GAD1: variants seen among roughly 807,000 people sequenced by gnomAD.
GAD1 encodes 67 kDa glutamic acid decarboxylase.
GAD1 carries 35 observed loss-of-function variants against 75.2 expected under a neutral mutation model. That is an observed-to-expected ratio of 0.47 (90% CI 0.36 to 0.62). The LOEUF (loss-of-function observed/expected upper bound fraction) is 0.62. Among genes scored for constraint, GAD1 ranks in the 20% least tolerant of loss-of-function variants. The pLI, the probability that GAD1 is intolerant of heterozygous loss-of-function variation, is 0.00. For missense variants in GAD1, 490 were observed against 758.5 expected (o/e 0.65, Z 4.16); for synonymous variants, 257 against 271.9 (o/e 0.95, Z 0.54).
chr2:170,833,658 A>G (rs1470754930), intron 5 of GAD1, among the ~76,000 whole-genome samples: 1 of 152,192 alleles, frequency 6.6e-6, no homozygotes, highest in African/African-American at 2.4e-5. Flanking sequence ...AAAATACATG[A>G]TTTTGTCATA....
At chr2:170,820,769 C>A (rs1248199734) in intron 2 of GAD1, among the ~76,000 whole-genome samples, 1 of 152,190 alleles carries the variant, frequency 6.6e-6, no homozygotes, top group Non-Finnish European at 1.5e-5. Context: ...ACTCCAACTT[C>A]CCTGTTGATT....
chr2:170,826,073 G>A (rs1472301655), intron 3 of GAD1, among the ~76,000 whole-genome samples: 1 of 152,096 alleles, frequency 6.6e-6, no homozygotes, highest in Non-Finnish European at 1.5e-5. Flanking sequence ...GTATTTTAGA[G>A]AACAAACACC....
rs545484315 is a variant in GAD1, at chr2:170,854,652, A to C, written c.1413+630A>C. On this transcript the variant is annotated intron_variant, in intron 14 of 16. Coordinates refer to ENST00000358196, the MANE Select transcript of GAD1 (RefSeq NM_000817.3). The stretch of plus-strand genomic sequence containing the variant: ...AGTCTCCTGACCTCATGATCCGCCC[A>C]CCTCGGCCTCCCAAAGTGTTGGGAT... Among the ~76,000 whole-genome samples the C allele has an allele frequency of 3.4e-4, 52 of 152,170 alleles. No individual in the cohort carries two copies. In the South Asian group the frequency reaches 0.01, roughly 30 times the overall value.
At position 170,822,164 on chromosome 2, in the gene GAD1, C is replaced by A. The variant is rs200262752; in HGVS notation, c.145+15C>A. 6.2e-7 allele frequency: 1 copy of A among 1,610,586 alleles called. No homozygotes were observed. Among genetic ancestry groups the A allele is most frequent in the East Asian group, 2.2e-5 (1 of 44,792 alleles). On this transcript the variant is annotated intron_variant, in intron 3 of 16. Transcript: ENST00000358196. ...CAAGATCTGCGGTAAGTGACAGGAC[C>A]CACTGGGGCCCGGCTGGGTGGCGCG... is the stretch of plus-strand genomic sequence containing the variant.
chr2:170,845,481 T>C (rs1468963009), intron 7 of GAD1, 25 bp from the exon 8 acceptor site: 1 of 1,596,280 alleles, frequency 6.3e-7, no homozygotes, highest in Admixed American at 1.7e-5. Context: ...CCCCAACACC[T>C]CCCAATATGT....
upstream of GAD1, among the ~76,000 whole-genome samples, chr2:170,813,584 C>T (rs188946028): frequency 2.3e-3 from 347 of 152,320 alleles, 1 homozygote; most frequent in African/African-American, 7.2e-3. Context: ...GTCCTGTCTA[C>T]TCACCTTGAC....
chr2:170,815,861 A>C (rs1701685827), upstream of GAD1, among the ~76,000 whole-genome samples: 1 of 152,198 alleles, frequency 6.6e-6, no homozygotes, highest in African/African-American at 2.4e-5. Flanking sequence ...GCTGGCGGAG[A>C]GACCCGGGAG....
intron 12 of GAD1, among the ~76,000 whole-genome samples, chr2:170,850,658 A>G (rs1702727822): frequency 6.6e-6 from 1 of 152,164 alleles, no homozygotes; most frequent in Non-Finnish European, 1.5e-5. Flanking sequence ...CTCAGTTTTG[A>G]AAGACCAGTG....
Position 170,853,536 on chromosome 2 carries a change from C to G in GAD1, c.1264-337C>G, listed in dbSNP as rs1702790172. 2 of 317,770 alleles carry G rather than the reference C, an allele frequency of 6.3e-6. No individual in the cohort carries two copies. Among genetic ancestry groups the G allele is most frequent in the Admixed American group, 8.0e-5 (2 of 24,882 alleles). The allele number at this position is 317,770 out of a possible 1,614,324, so 19.7% of individuals were successfully genotyped here. On this transcript the variant is annotated intron_variant, in intron 13 of 16. Coordinates refer to ENST00000358196, the MANE Select transcript of GAD1 (RefSeq NM_000817.3). The surrounding 1 kb of genome is among the most constrained non-coding windows in gnomAD (Gnocchi z 4.1). ...TCACAGCATGAAACTATCCCACCCA[C>G]TGAGGAATTTTCTATCTCTAACCCT...
chr2:170,828,577 T>TA (rs1553575220), intron 3 of GAD1, among the ~76,000 whole-genome samples: 4 of 110,336 alleles, frequency 3.6e-5, no homozygotes, highest in African/African-American at 1.4e-4. Flanking sequence ...CTCACCGTCC[T>TA]CCTCTGCTGT....
chr2:170,821,722 G>T, intron 2 of GAD1: 1 of 255,866 alleles, frequency 3.9e-6, no homozygotes. Flanking sequence ...CCCGGCCAGT[G>T]GGTGTTGGGC....
chr2:170,818,439 A>T lies in GAD1; in HGVS notation c.-63-90A>T. ...TTGTCTCTCCAGAGCCGGATCTTCAAGGGGAGCCTCCGTGCCCCCGGCTGC... is the reference window on the plus strand; with the variant it reads ...TTGTCTCTCCAGAGCCGGATCTTCATGGGGAGCCTCCGTGCCCCCGGCTGC... On this transcript the variant is annotated intron_variant, in intron 1 of 16. Coordinates refer to ENST00000358196, the MANE Select transcript of GAD1 (RefSeq NM_000817.3). This position sits in a 1 kb window ranked among gnomAD's most constrained non-coding sequence, Gnocchi z 5.9. The T allele has an allele frequency of 1.3e-6, 1 of 746,356 alleles. No individual in the cohort carries two copies. Among genetic ancestry groups the T allele is most frequent in the East Asian group, 2.5e-5 (1 of 39,698 alleles). The allele number at this position is 746,356 out of a possible 1,614,324, so 46.2% of individuals were successfully genotyped here. A position where few individuals can be genotyped will look rare whatever the true frequency, so the allele number is the denominator to read the frequency against.
intron 11 of GAD1, 33 bp downstream of exon 11, chr2:170,847,825 G>T (rs368995767): frequency 5.7e-5 from 81 of 1,409,958 alleles, no homozygotes; most frequent in Admixed American, 1.2e-4. Flanking sequence ...CAGTCCATGT[G>T]GGGGGTGGAG....
chr2:170,846,896 C>T (rs896039067), intron 10 of GAD1, among the ~76,000 whole-genome samples: 4 of 152,060 alleles, frequency 2.6e-5, no homozygotes, highest in African/African-American at 9.7e-5. Flanking sequence ...TAGTCCCAGC[C>T]ACTCAGGTGA....
chr2:170,822,799 G>A (rs947501627), intron 3 of GAD1, among the ~76,000 whole-genome samples: 121 of 152,238 alleles, frequency 7.9e-4, no homozygotes, highest in African/African-American at 2.6e-3. Flanking sequence ...CTGCCTGAGG[G>A]AGGCACGAGG....
chr2:170,845,823 T>C (rs755325669), intron 9 of GAD1, 38 bp downstream of exon 9: 1 of 1,585,354 alleles, frequency 6.3e-7, no homozygotes, highest in South Asian at 1.1e-5. Flanking sequence ...TCTTGATGTA[T>C]TAAATGTGTT....
At chr2:170,844,407 C>CTTTTTT (rs11327360) in intron 7 of GAD1, among the ~76,000 whole-genome samples, 52 of 124,430 alleles carry the variant, frequency 4.2e-4, no homozygotes, top group East Asian at 7.0e-4. Context: ...TTTCTTTTTT[C>CTTTTTT]TTTTTTTTTT....
rs899890254 is a variant in GAD1, at chr2:170,818,818, T to C, written c.82+145T>C. 3.8e-6 allele frequency: 3 copies of C among 779,988 alleles called. No homozygotes were observed. The African/African-American group carries it at 5.2e-5, about 14-fold the overall frequency. The allele number at this position is 779,988 out of a possible 1,614,324, so 48.3% of individuals were successfully genotyped here. On this transcript the variant is annotated intron_variant, in intron 2 of 16. Coordinates refer to ENST00000358196, the MANE Select transcript of GAD1 (RefSeq NM_000817.3). The surrounding 1 kb of genome is among the most constrained non-coding windows in gnomAD (Gnocchi z 5.9). Reference sequence around the variant, plus strand: ...ATAAATGGGGCTCTGACCCCGTCCCTGCCAGAGGTCATTCGGCTGTCAGGG... The same window carrying C: ...ATAAATGGGGCTCTGACCCCGTCCCCGCCAGAGGTCATTCGGCTGTCAGGG...
Position 170,853,073 on chromosome 2 carries a change from C to CA in GAD1, c.1263+288dup, listed in dbSNP as rs1220062176. 6.1e-6 allele frequency: 3 copies of CA among 489,484 alleles called. No homozygotes were observed. Among genetic ancestry groups the CA allele is most frequent in the Non-Finnish European group, 3.7e-6 (1 of 268,922 alleles). The allele number at this position is 489,484 out of a possible 1,614,324, so 30.3% of individuals were successfully genotyped here. ...AATTGAGTATTCCTTCATGTTTGCA[C>CA]AAAAAAAGTGGGAGCAAGTAGGTGA... On this transcript the variant is annotated intron_variant, in intron 13 of 16. Transcript: ENST00000358196. The surrounding 1 kb of genome is among the most constrained non-coding windows in gnomAD (Gnocchi z 4.1).
Sources: gnomAD v4.1 joint callset for allele counts (sites outside exome capture counted in the v4.1 genomes callset) on GRCh38, gnomAD v4.1.1 for gene constraint, Gnocchi (gnomAD v3.1) non-coding constraint, MANE v1.5 for transcripts, NCBI Gene and HGNC (gene_info 2026-07-23, HGNC 2026-07-21) for gene names.